ITK: variants seen among roughly 807,000 people sequenced by gnomAD.
The protein encoded by ITK is tyrosine-protein kinase ITK/TSK.
ITK carries 45 observed loss-of-function variants against 87.6 expected under a neutral mutation model. That is an observed-to-expected ratio of 0.51 (90% CI 0.40 to 0.66). The LOEUF (loss-of-function observed/expected upper bound fraction) is 0.66, where lower values mean the gene tolerates loss of function less well. Ranked by LOEUF, ITK falls within the 30% of genes least tolerant of loss-of-function variation. ITK has a pLI of 0.00. For missense variants in ITK, 605 were observed against 766.3 expected (o/e 0.79, Z 2.48); for synonymous variants, 303 against 273.6 (o/e 1.11, Z -1.06).
Position 157,254,130 on chromosome 5 carries a change from C to T in ITK, c.*1452C>T, listed in dbSNP as rs192871301. 31 of 228,516 alleles carry T rather than the reference C, an allele frequency of 1.4e-4. No homozygotes were observed. The highest frequency in any genetic ancestry group is 6.3e-4 in the East Asian group (10 of 15,986). 14.2% of individuals were successfully genotyped at this position (228,516 alleles called of 1,614,324 possible). A position where few individuals can be genotyped will look rare whatever the true frequency, so the allele number is the denominator to read the frequency against. On this transcript the variant is annotated 3_prime_UTR_variant, in exon 17 of 17. Transcript: ENST00000422843. ...ACACTGGCTTCTACTGAAAATGAAA[C>T]GGATTGCAGAGGGAATAAATACAAA...
intron 1 of ITK, among the ~76,000 whole-genome samples, chr5:157,184,314 G>A (rs1358492721): frequency 6.6e-6 from 1 of 152,098 alleles, no homozygotes; most frequent in Non-Finnish European, 1.5e-5. Context: ...TCCCATCATG[G>A]CCCATTTTAA....
chr5:157,226,264 A>G (rs903767379), intron 6 of ITK, among the ~76,000 whole-genome samples: 13 of 152,358 alleles, frequency 8.5e-5, no homozygotes, highest in Admixed American at 5.9e-4. Context: ...GAGAAAATCA[A>G]TGAGATAATG....
rs367914098 is a variant in ITK, at chr5:157,247,613, G to A, written c.1634-1237G>A. ...TTGGGCTGAAATTAGTCCCTGTCTAGGATATATTATCTGAAGAGAGTCCAG... is the reference window on the plus strand; with the variant it reads ...TTGGGCTGAAATTAGTCCCTGTCTAAGATATATTATCTGAAGAGAGTCCAG... On this transcript the variant is annotated intron_variant, in intron 15 of 16. Transcript: ENST00000422843. Among the ~76,000 whole-genome samples the A allele has an allele frequency of 9.8e-4, 149 of 152,288 alleles. 2 individuals are homozygous for A. The South Asian group carries it at 0.03, about 30-fold the overall frequency.
chr5:157,193,573 T>A (rs1370891129), intron 1 of ITK, among the ~76,000 whole-genome samples: 1 of 152,176 alleles, frequency 6.6e-6, no homozygotes, highest in Non-Finnish European at 1.5e-5. Flanking sequence ...CCTATTGTTA[T>A]CCCCATGTCA....
chr5:157,197,389 A>G (rs25855), intron 1 of ITK, among the ~76,000 whole-genome samples: 127,647 of 152,206 alleles, frequency 0.84, 54,073 homozygotes, highest in African/African-American at 0.96. Context: ...AGTTGACACT[A>G]TGATGTTTTT....
chr5:157,192,858 C>T (rs1580875951), intron 1 of ITK, among the ~76,000 whole-genome samples: 1 of 152,244 alleles, frequency 6.6e-6, no homozygotes, highest in East Asian at 1.9e-4. Context: ...AGAAAGTCAC[C>T]TTGAAACCTC....
At chr5:157,189,685 C>T (rs163317) in intron 1 of ITK, among the ~76,000 whole-genome samples, 2 of 152,042 alleles carry the variant, frequency 1.3e-5, no homozygotes, top group South Asian at 4.1e-4. Flanking sequence ...TGTCACAAAA[C>T]AGAAAAAAAG....
chr5:157,201,736 CAAAA>C (rs34192469), intron 1 of ITK, among the ~76,000 whole-genome samples: 69 of 114,484 alleles, frequency 6.0e-4, no homozygotes, highest in Middle Eastern at 9.3e-3. Flanking sequence ...TAATTTTCCA[CAAAA>C]AAAAAAAAAA....
At chr5:157,233,226 C>A (rs927032243) in intron 8 of ITK, among the ~76,000 whole-genome samples, 3 of 152,206 alleles carry the variant, frequency 2.0e-5, no homozygotes, top group African/African-American at 4.8e-5. Flanking sequence ...ATCACAGTTA[C>A]CCAGCCCTCA....
At chr5:157,196,640 A>C (rs1285206807) in intron 1 of ITK, among the ~76,000 whole-genome samples, 1 of 152,158 alleles carries the variant, frequency 6.6e-6, no homozygotes, top group Non-Finnish European at 1.5e-5. Flanking sequence ...AAGTTTTGTC[A>C]TAGGGTTCAC....
At chr5:157,222,181 C>T (rs1754433244) in intron 5 of ITK, among the ~76,000 whole-genome samples, 1 of 152,152 alleles carries the variant, frequency 6.6e-6, no homozygotes, top group African/African-American at 2.4e-5. Context: ...ACAAAGTCTG[C>T]TAACCCATAG....
chr5:157,240,294 C>A, intron 10 of ITK, 99 bp downstream of exon 10: 3 of 1,142,032 alleles, frequency 2.6e-6, no homozygotes, highest in Non-Finnish European at 2.6e-6. Flanking sequence ...GTCAGATCAG[C>A]GTCATTAGAT....
intron 10 of ITK, 182 bp from the exon 11 acceptor site, chr5:157,241,464 A>C: frequency 1.7e-6 from 1 of 601,702 alleles, no homozygotes; most frequent in Admixed American, 2.5e-5. Flanking sequence ...CCACTTGCCC[A>C]TCTGTGCTTA....
At chr5:157,191,985 G>C (rs1753761605) in intron 1 of ITK, among the ~76,000 whole-genome samples, 1 of 152,200 alleles carries the variant, frequency 6.6e-6, no homozygotes, top group African/African-American at 2.4e-5. Flanking sequence ...AAGAAGCAGT[G>C]TGTGGGCCAC....
intron 1 of ITK, among the ~76,000 whole-genome samples, chr5:157,204,898 G>A (rs1013449889): frequency 3.3e-5 from 5 of 152,196 alleles, no homozygotes; most frequent in East Asian, 1.9e-4. Context: ...TCTGCTTCTC[G>A]CATCTTGAAT....
chr5:157,245,223 TA>T (rs139283977), intron 13 of ITK: 2,947 of 161,124 alleles, frequency 0.018, 12 homozygotes, highest in South Asian at 0.029. Flanking sequence ...AGACTCCATC[TA>T]AAAAAAAAAA....
chr5:157,189,992 G>A (rs190213105), intron 1 of ITK, among the ~76,000 whole-genome samples: 1 of 152,290 alleles, frequency 6.6e-6, no homozygotes, highest in East Asian at 1.9e-4. Flanking sequence ...CTCACTAAAA[G>A]TGATCCTAAG....
At chr5:157,249,067 TC>T in intron 16 of ITK, 60 bp downstream of exon 16, 1 of 1,459,616 alleles carries the variant, frequency 6.9e-7, no homozygotes, top group Non-Finnish European at 9.6e-7. Flanking sequence ...CCTCCCTCCT[TC>T]CCTAGAGAAA....
chr5:157,191,152 A>G (rs931320160), intron 1 of ITK, among the ~76,000 whole-genome samples: 5 of 151,138 alleles, frequency 3.3e-5, no homozygotes, highest in African/African-American at 1.2e-4. Flanking sequence ...TTATTTTTTT[A>G]TTTTTGAGAC....
Sources: gnomAD v4.1 joint callset for allele counts (sites outside exome capture counted in the v4.1 genomes callset) on GRCh38, gnomAD v4.1.1 for gene constraint, MANE v1.5 for transcripts, NCBI Gene and HGNC (gene_info 2026-07-23, HGNC 2026-07-21) for gene names.